The following BPHL variants were observed in gnomAD, a reference collection of about 807,000 sequenced individuals.
The protein encoded by BPHL is serine hydrolase BPHL.
A neutral mutation model predicts 31.2 loss-of-function variants in BPHL; 27 were observed. The ratio of observed to expected loss-of-function variants is 0.87; its 90% CI spans 0.64 to 1.19. BPHL has a LOEUF of 1.19. Ranked by LOEUF, BPHL falls within the 50% of genes most tolerant of loss-of-function variation. BPHL has a pLI of 0.00. For missense variants in BPHL, 356 were observed against 375.7 expected, an observed-to-expected ratio of 0.95 and a Z score of 0.43; for synonymous variants, 150 against 146.8, an observed-to-expected ratio of 1.02 and a Z score of -0.16.
chr6:3,146,285 T>TC (rs1762355537), intron 6 of BPHL, among the ~76,000 whole-genome samples: 1 of 60,420 alleles, frequency 1.7e-5, no homozygotes, highest in Non-Finnish European at 3.8e-5. Context: ...GAGTGCTGGT[T>TC]CGGGTCGAGT....
At position 3,140,242 on chromosome 6, in the gene BPHL, C is replaced by T; in HGVS notation, c.665-144C>T. On this transcript the variant is annotated intron_variant, in intron 5 of 6. Transcript: ENST00000380379. This position sits in a 1 kb window ranked among gnomAD's most constrained non-coding sequence, Gnocchi z 5.2. ...AAGAATGTTAGAGCTGGAAGGAATC[C>T]CAGGCACGGTCAAATCCAAAACACA... is the stretch of plus-strand genomic sequence containing the variant. 2 of 1,007,352 alleles carry T rather than the reference C, an allele frequency of 2.0e-6. No individual in the cohort carries two copies. The highest frequency in any genetic ancestry group is 2.8e-6 in the Non-Finnish European group (2 of 704,446). The allele number at this position is 1,007,352 out of a possible 1,614,324, so 62.4% of individuals were successfully genotyped here. A position where few individuals can be genotyped will look rare whatever the true frequency, so the allele number is the denominator to read the frequency against.
At chr6:3,127,638 C>T (rs1400084030) in intron 3 of BPHL, among the ~76,000 whole-genome samples, 2 of 152,198 alleles carry the variant, frequency 1.3e-5, no homozygotes, top group African/African-American at 2.4e-5. Context: ...AGTCTTATTA[C>T]ATCACAAACG....
In BPHL at chr6:3,119,483, T is replaced by C. The variant is rs143871505; in HGVS notation, c.107+636T>C. 3 of 1,613,942 alleles carry C rather than the reference T, an allele frequency of 1.9e-6. No homozygotes were observed. In the African/African-American group the frequency reaches 4.0e-5, roughly 22 times the overall value. Reference sequence around the variant, plus strand: ...TGCCCAGGAATCTGCTTTATTCTCTTTTGTCCTCCCACCTGTCCCCCCATT... The same window carrying C: ...TGCCCAGGAATCTGCTTTATTCTCTCTTGTCCTCCCACCTGTCCCCCCATT... On this transcript the variant is annotated intron_variant, in intron 1 of 6. Transcript: ENST00000380379.
chr6:3,137,267 C>T lies in BPHL; in HGVS notation c.533-95C>T, dbSNP rs141534597. 5.3e-4 allele frequency: 765 copies of T among 1,448,750 alleles called. 5 individuals are homozygous for T. In the African/African-American group the frequency reaches 9.1e-3, roughly 17 times the overall value. 89.7% of individuals were successfully genotyped at this position (1,448,750 alleles called of 1,614,324 possible). A position where few individuals can be genotyped will look rare whatever the true frequency, so the allele number is the denominator to read the frequency against. On this transcript the variant is annotated intron_variant, in intron 4 of 6. Transcript: ENST00000380379. ...CATTCCAGGCAGACGAGACAGTGAG[C>T]GCATGGGCTCAGAAGTGGCTCTTGC...
In BPHL at chr6:3,149,425, T is replaced by A. The variant is rs1188844431; in HGVS notation, c.789-3063T>A. 6.6e-6 allele frequency among the ~76,000 whole-genome samples: 1 copy of A among 152,126 alleles called. No individual in the cohort carries two copies. Among genetic ancestry groups the A allele is most frequent in the African/African-American group, 2.4e-5 (1 of 41,422 alleles). ...TCAAGCCGCCACACTGCCCAGAAAG[T>A]AGCCTCCGGGGCAGTTTTGCTTCTA... On this transcript the variant is annotated intron_variant, in intron 6 of 6. Coordinates refer to ENST00000380379, the MANE Select transcript of BPHL (RefSeq NM_004332.4). The surrounding 1 kb of genome is among the most constrained non-coding windows in gnomAD (Gnocchi z 4.6).
At chr6:3,118,949 CG>C in intron 1 of BPHL, 102 bp downstream of exon 1, 1 of 1,006,424 alleles carries the variant, frequency 9.9e-7, no homozygotes, top group African/African-American at 1.7e-5. Context: ...CGCGCGGGCA[CG>C]GGGCGTGGGC....
At chr6:3,136,153 CAAG>C (rs1762012548) in intron 4 of BPHL, among the ~76,000 whole-genome samples, 1 of 152,214 alleles carries the variant, frequency 6.6e-6, no homozygotes, top group Non-Finnish European at 1.5e-5. Flanking sequence ...TATTCCCCTG[CAAG>C]AAGGCCTTTC....
intron 6 of BPHL, among the ~76,000 whole-genome samples, chr6:3,142,584 A>T (rs972016621): frequency 1.3e-5 from 2 of 152,230 alleles, no homozygotes; most frequent in African/African-American, 4.8e-5. Flanking sequence ...CATTTTACAG[A>T]TGAGAAATCA....
chr6:3,119,087 C>G (rs1236454079), intron 1 of BPHL, among the ~76,000 whole-genome samples: 1 of 151,854 alleles, frequency 6.6e-6, no homozygotes, highest in Non-Finnish European at 1.5e-5. Context: ...AGTCTGGAGC[C>G]GTGGAGGCTT....
intron 6 of BPHL, among the ~76,000 whole-genome samples, chr6:3,148,181 G>A (rs1191159341): frequency 6.6e-6 from 1 of 152,232 alleles, no homozygotes; most frequent in Non-Finnish European, 1.5e-5. Flanking sequence ...CAGAGGTCTG[G>A]GCCTTGTGTT....
At chr6:3,122,153 G>T (rs1181403981) in intron 1 of BPHL, among the ~76,000 whole-genome samples, 3 of 152,170 alleles carry the variant, frequency 2.0e-5, no homozygotes, top group Non-Finnish European at 4.4e-5. Flanking sequence ...GGTGGCGGGT[G>T]CCTGTAGTCC....
rs1436791869 is a variant in BPHL, at chr6:3,127,339, G to GC, written c.314dup (p.Asp106ArgfsTer10). ...ATCCTCGAGGCTATGGACATTCCAG[G>GC]CCCCCAGATCGCGATTTCCCAGCAG... On this transcript the variant is annotated frameshift_variant, in exon 3 of 7. Transcript: ENST00000380379. LOFTEE classifies it high-confidence loss of function. The GC allele has an allele frequency of 6.2e-7, 1 of 1,609,364 alleles. No individual in the cohort carries two copies. The highest frequency in any genetic ancestry group is 1.7e-5 in the Admixed American group (1 of 59,878).
intron 6 of BPHL, among the ~76,000 whole-genome samples, chr6:3,145,292 TC>T (rs199579056): frequency 2.7e-4 from 5 of 18,538 alleles, no homozygotes; most frequent in African/African-American, 9.9e-4. Context: ...CTGGTTCGGG[TC>T]CGAGTGCTGG....
At chr6:3,135,036 G>A (rs1384877206) in intron 4 of BPHL, among the ~76,000 whole-genome samples, 3 of 152,118 alleles carry the variant, frequency 2.0e-5, no homozygotes, top group South Asian at 2.1e-4. Context: ...CATGCCGCCC[G>A]GCCTCACAAT....
At chr6:3,144,660 G>A (rs559309672) in intron 6 of BPHL, among the ~76,000 whole-genome samples, 91 of 152,266 alleles carry the variant, frequency 6.0e-4, no homozygotes, top group Middle Eastern at 3.4e-3. Context: ...CCAAAGTGCC[G>A]GGATTACAGG....
Position 3,121,911 on chromosome 6 carries a change from G to A in BPHL, c.108-1746G>A, listed in dbSNP as rs918254535. On this transcript the variant is annotated intron_variant, in intron 1 of 6. Transcript: ENST00000380379. ...ACTGGCAAATAAGATTAAACCAAAA[G>A]ATAAAACAGGACCTCATTTTTTCAA... is the stretch of plus-strand genomic sequence containing the variant. Among the ~76,000 whole-genome samples, 6 of 152,246 alleles carry A rather than the reference G, an allele frequency of 3.9e-5. No homozygotes were observed. In the East Asian group the frequency reaches 1.2e-3, roughly 29 times the overall value.
chr6:3,129,006 G>A (rs1347035515), intron 3 of BPHL, 39 bp from the exon 4 acceptor site: 2 of 1,613,962 alleles, frequency 1.2e-6, no homozygotes, highest in Non-Finnish European at 1.7e-6. Flanking sequence ...ACAGAGAGGA[G>A]CAATAACCCG....
chr6:3,123,001 C>A (rs1254866052), intron 1 of BPHL, among the ~76,000 whole-genome samples: 1 of 152,366 alleles, frequency 6.6e-6, no homozygotes, highest in South Asian at 2.1e-4. Context: ...ACCCTCGTTT[C>A]ACGCCAGCCT....
Position 3,144,051 on chromosome 6 carries a change from C to T in BPHL, c.788+3542C>T, listed in dbSNP as rs369624664. On this transcript the variant is annotated intron_variant, in intron 6 of 6. Coordinates refer to ENST00000380379, the MANE Select transcript of BPHL (RefSeq NM_004332.4). The stretch of plus-strand genomic sequence containing the variant: ...CGCTCACCTATCTGAGGTCATGTGG[C>T]TCCTTATACCTTTTTTCTTCCTCTT... Among the ~76,000 whole-genome samples, 11 of 152,336 alleles carry T rather than the reference C, an allele frequency of 7.2e-5. No individual in the cohort carries two copies. The South Asian group carries it at 2.1e-3, about 29-fold the overall frequency.
Sources: gnomAD v4.1 joint callset for allele counts (sites outside exome capture counted in the v4.1 genomes callset) on GRCh38, gnomAD v4.1.1 for gene constraint, Gnocchi (gnomAD v3.1) non-coding constraint, MANE v1.5 for transcripts, NCBI Gene and HGNC (gene_info 2026-07-23, HGNC 2026-07-21) for gene names.